ADARB2: variants seen among roughly 807,000 people sequenced by gnomAD.
ADARB2 encodes inactive double-stranded RNA-specific editase B2.
A neutral mutation model predicts 62.2 loss-of-function variants in ADARB2; 25 were observed. The ratio of observed to expected loss-of-function variants is 0.40; its 90% CI spans 0.29 to 0.56. The LOEUF is 0.56. Ranked by LOEUF, ADARB2 falls within the 20% of genes least tolerant of loss-of-function variation. The pLI is 0.43. For missense variants in ADARB2, 1,071 were observed against 1,077.4 expected (o/e 0.99, Z 0.08); for synonymous variants, 572 against 500.8 (o/e 1.14, Z -1.90).
chr10:1,187,745 T>C, intron 8 of ADARB2: 1 of 299,540 alleles, frequency 3.3e-6, no homozygotes, highest in Non-Finnish European at 7.4e-6. Context: ...CGTGCACTGC[T>C]CCACACTCCG....
At chr10:1,527,643 A>G (rs1832166111) in intron 1 of ADARB2, among the ~76,000 whole-genome samples, 1 of 152,240 alleles carries the variant, frequency 6.6e-6, no homozygotes, top group African/African-American at 2.4e-5. Context: ...ACATAACAGG[A>G]TGATTAGAAA....
chr10:1,654,013 G>A (rs1444281537), intron 1 of ADARB2, among the ~76,000 whole-genome samples: 1 of 152,030 alleles, frequency 6.6e-6, no homozygotes, highest in Non-Finnish European at 1.5e-5. Flanking sequence ...GGGGGTCCTG[G>A]GGGCTGGCTC....
chr10:1,697,991 A>G (rs1171897609), intron 1 of ADARB2, among the ~76,000 whole-genome samples: 1 of 152,226 alleles, frequency 6.6e-6, no homozygotes, highest in Admixed American at 6.5e-5. Context: ...ACATTAAACA[A>G]TAATACGCGA....
At position 1,255,567 on chromosome 10, in the gene ADARB2, G is replaced by T. The variant is rs1831072669; in HGVS notation, c.1193-13268C>A. Reference sequence around the variant, plus strand: ...CAAAGAGGGTCAGGCCATGGACAGGGATGTGACCAGATGTCAGCTGGTCAA... The same window carrying T: ...CAAAGAGGGTCAGGCCATGGACAGGTATGTGACCAGATGTCAGCTGGTCAA... On this transcript the variant is annotated intron_variant, in intron 4 of 9. Transcript: ENST00000381312. This position sits in a 1 kb window ranked among gnomAD's most constrained non-coding sequence, Gnocchi z 4.7. Among the ~76,000 whole-genome samples, 1 of 152,234 alleles carries T rather than the reference G, an allele frequency of 6.6e-6. No homozygotes were observed. Among genetic ancestry groups the T allele is most frequent in the African/African-American group, 2.4e-5 (1 of 41,460 alleles).
chr10:1,353,885 C>T (rs1832169191), intron 3 of ADARB2, among the ~76,000 whole-genome samples: 1 of 152,176 alleles, frequency 6.6e-6, no homozygotes, highest in African/African-American at 2.4e-5. Flanking sequence ...CTACCTTCCC[C>T]TTGCTCATCA....
At chr10:1,370,815 A>G (rs950206677) in intron 2 of ADARB2, among the ~76,000 whole-genome samples, 4 of 152,200 alleles carry the variant, frequency 2.6e-5, no homozygotes, top group African/African-American at 7.2e-5. Flanking sequence ...ACACAAACCA[A>G]TGGAAAACCA....
chr10:1,393,979 G>A (rs1178005735), intron 1 of ADARB2, among the ~76,000 whole-genome samples: 3 of 152,240 alleles, frequency 2.0e-5, no homozygotes, highest in Admixed American at 6.5e-5. Flanking sequence ...GGCTGCAGAA[G>A]TTGCCTGACA....
At chr10:1,497,416 G>T (rs560017845) in intron 1 of ADARB2, among the ~76,000 whole-genome samples, 1 of 152,206 alleles carries the variant, frequency 6.6e-6, no homozygotes, top group Non-Finnish European at 1.5e-5. Context: ...TTCTAAATAA[G>T]TTTGTGGAAA....
intron 1 of ADARB2, among the ~76,000 whole-genome samples, chr10:1,429,717 C>A (rs546161110): frequency 6.6e-6 from 1 of 152,336 alleles, no homozygotes; most frequent in East Asian, 1.9e-4. Flanking sequence ...CTGCACCATA[C>A]TTATTAAGAC....
intron 1 of ADARB2, among the ~76,000 whole-genome samples, chr10:1,626,452 G>A (rs574343770): frequency 3.3e-5 from 5 of 152,034 alleles, no homozygotes; most frequent in Admixed American, 6.6e-5. Context: ...GTCTGCCCAC[G>A]CCTCAGGCAC....
At chr10:1,613,407 G>A (rs1239778773) in intron 1 of ADARB2, among the ~76,000 whole-genome samples, 1 of 152,094 alleles carries the variant, frequency 6.6e-6, no homozygotes, top group Non-Finnish European at 1.5e-5. Flanking sequence ...CCATTTCAAG[G>A]ACAACATCCA....
intron 1 of ADARB2, among the ~76,000 whole-genome samples, chr10:1,533,747 C>T (rs533671417): frequency 5.3e-5 from 8 of 152,258 alleles, no homozygotes; most frequent in Non-Finnish European, 1.0e-4. Flanking sequence ...ACGCATATTC[C>T]ATTTCCTCCT....
chr10:1,382,255 A>C (rs1307907234), intron 1 of ADARB2, among the ~76,000 whole-genome samples: 1 of 152,228 alleles, frequency 6.6e-6, no homozygotes, highest in East Asian at 1.9e-4. Flanking sequence ...CCACGAGTGC[A>C]GTGGACTTCA....
chr10:1,642,422 C>T (rs186111260), intron 1 of ADARB2, among the ~76,000 whole-genome samples: 45 of 152,242 alleles, frequency 3.0e-4, no homozygotes, highest in African/African-American at 9.9e-4. Flanking sequence ...TAGTAAACAT[C>T]GTCAACAGCA....
intron 1 of ADARB2, among the ~76,000 whole-genome samples, chr10:1,610,128 A>C (rs1387628705): frequency 1.3e-5 from 2 of 152,070 alleles, no homozygotes; most frequent in African/African-American, 4.8e-5. Flanking sequence ...AGAGATGTTA[A>C]ATTGCACAGT....
intron 1 of ADARB2, among the ~76,000 whole-genome samples, chr10:1,410,952 C>A (rs1041104763): frequency 1.3e-5 from 2 of 152,190 alleles, no homozygotes; most frequent in African/African-American, 4.8e-5. Flanking sequence ...CTCCTGGAGG[C>A]GAAGGGCTGA....
At chr10:1,568,948 C>T (rs763302911) in intron 1 of ADARB2, among the ~76,000 whole-genome samples, 1 of 151,982 alleles carries the variant, frequency 6.6e-6, no homozygotes, top group Non-Finnish European at 1.5e-5. Flanking sequence ...TGTATGATGA[C>T]CTGGAAGGAT....
chr10:1,449,950 T>C (rs529648997), intron 1 of ADARB2, among the ~76,000 whole-genome samples: 1 of 152,362 alleles, frequency 6.6e-6, no homozygotes, highest in African/African-American at 2.4e-5. Flanking sequence ...GCACAGTGCC[T>C]GTGCATGCTA....
At chr10:1,189,247 G>T (rs1836805377) in intron 8 of ADARB2, among the ~76,000 whole-genome samples, 1 of 152,048 alleles carries the variant, frequency 6.6e-6, no homozygotes, top group Non-Finnish European at 1.5e-5. Context: ...GATCTCTCAT[G>T]GTGCACTGAT....
Sources: gnomAD v4.1 joint callset for allele counts (sites outside exome capture counted in the v4.1 genomes callset) on GRCh38, gnomAD v4.1.1 for gene constraint, Gnocchi (gnomAD v3.1) non-coding constraint, MANE v1.5 for transcripts, NCBI Gene and HGNC (gene_info 2026-07-23, HGNC 2026-07-21) for gene names.